Variants in WDR97 observed in about 807,000 individuals in gnomAD.
WDR97 encodes WD repeat-containing protein 97.
A neutral mutation model predicts 65.4 loss-of-function variants in WDR97; 111 were observed. The observed-to-expected ratio is 1.70, with a 90% CI of 1.45 to 1.99. The LOEUF is 1.99. WDR97 is among the 30% of genes most tolerant of loss of function. WDR97 has a pLI of 0.00. For missense variants in WDR97, 1,674 were observed against 865.0 expected, an observed-to-expected ratio of 1.94 and a Z score of -11.73; for synonymous variants, 802 against 397.7, an observed-to-expected ratio of 2.02 and a Z score of -12.10.
At chr8:144,111,268 A>C in intron 10 of WDR97, 46 bp downstream of exon 10, 1 of 700,672 alleles carries the variant, frequency 1.4e-6, no homozygotes, top group African/African-American at 1.8e-5. Context: ...CTCCTTTCCC[A>C]CTCTGGGTGG....
At position 144,109,882 on chromosome 8, in the gene WDR97, G is replaced by C; in HGVS notation, c.1548G>C (p.Pro516=). 1 of 700,894 alleles carries C rather than the reference G, an allele frequency of 1.4e-6. No homozygotes were observed. The highest frequency in any genetic ancestry group is 2.7e-5 in the East Asian group (1 of 37,216). 43.4% of individuals were successfully genotyped at this position (700,894 alleles called of 1,614,324 possible). A position where few individuals can be genotyped will look rare whatever the true frequency, so the allele number is the denominator to read the frequency against. The change falls in exon 5 of 24, where the codon CCG becomes CCC. Residue 516 remains proline, a synonymous_variant. Transcript: ENST00000323662. ...TGAGCGTGCTGCACCGCGTGTGCCC[G>C]CCGCCGCCCCCTGCGCCGCAGCCTT... ...CPMSVLHRVC[P]PPPPAPQPCC... is the part of the protein sequence containing the mutation.
rs1300713379 is a variant in WDR97 at position 144,108,314 on chromosome 8, A to C, written c.250-2A>C. 1 of 691,130 alleles carries C rather than the reference A, an allele frequency of 1.4e-6. No homozygotes were observed. The highest frequency in any genetic ancestry group is 2.6e-6 in the Non-Finnish European group (1 of 381,426). The allele number at this position is 691,130 out of a possible 1,614,324, so 42.8% of individuals were successfully genotyped here. On this transcript the variant is annotated splice_acceptor_variant, in intron 2 of 23. Coordinates refer to ENST00000323662, the MANE Select transcript of WDR97 (RefSeq NM_001316309.2). LOFTEE classifies it high-confidence loss of function. ...TGCGGGCCCGCCCACCCCGGCCCAC[A>C]GGAGAAGAGAGCCGAGCTGCGCGCG...
chr8:144,113,961 A>C lies in WDR97; in HGVS notation c.3409-16A>C. On this transcript the variant is annotated splice_polypyrimidine_tract_variant and intron_variant, in intron 17 of 23. Transcript: ENST00000323662. The stretch of plus-strand genomic sequence containing the variant: ...ACCCAGACAGGTGGGACCTGCAGCC[A>C]CTGCTGCTCCCCTAGAGTGCTGTGG... 1 of 699,428 alleles carries C rather than the reference A, an allele frequency of 1.4e-6. No individual in the cohort carries two copies. The highest frequency in any genetic ancestry group is 2.6e-6 in the Non-Finnish European group (1 of 382,718). The allele number at this position is 699,428 out of a possible 1,614,324, so 43.3% of individuals were successfully genotyped here. A position where few individuals can be genotyped will look rare whatever the true frequency, so the allele number is the denominator to read the frequency against.
chr8:144,108,256 G>T, intron 2 of WDR97, 60 bp from the exon 3 acceptor site: 1 of 694,876 alleles, frequency 1.4e-6, no homozygotes, highest in Non-Finnish European at 2.6e-6. Flanking sequence ...TCCCTTAGGG[G>T]TCCCCTAGGC....
At position 144,114,061 on chromosome 8, in the gene WDR97, A is replaced by T. The variant is rs771848799; in HGVS notation, c.3493A>T (p.Ser1165Cys). ...CCCTCATCCCTGGCACCGTCATGGG[A>T]GTTTGCTCTTGGATGAGCATTACGG... The part of the protein sequence containing the change: ...THPHPWHRHG[S>C]LLLDEHYGHL... Residue 1165 changes from serine (S) to cysteine (C), a missense_variant, in exon 18 of 24, where the codon AGT (serine) becomes TGT (cysteine). By Grantham distance (112) the Ser-to-Cys change is moderately radical. Transcript: ENST00000323662. 9.2e-5 allele frequency: 65 copies of T among 702,712 alleles called. 4 individuals are homozygous for T. The highest frequency in any genetic ancestry group is 6.8e-4 in the Middle Eastern group (3 of 4,392). 43.5% of individuals were successfully genotyped at this position (702,712 alleles called of 1,614,324 possible).
Position 144,110,693 on chromosome 8 carries a change from C to T in WDR97, c.2125C>T (p.Leu709=). ...PTLKLYACSS[L]DCTVRIWTAE... is the part of the protein sequence containing the mutation. ...GCTCAAACTGTATGCCTGCTCCAGC[C>T]TGGACTGCACCGTTCGCATCTGGAC... The change falls in exon 8 of 24, where the codon CTG becomes TTG. Residue 709 remains leucine (L), a synonymous_variant. Transcript: ENST00000323662. 1.4e-6 allele frequency: 1 copy of T among 701,532 alleles called. No homozygotes were observed. Among genetic ancestry groups the T allele is most frequent in the Non-Finnish European group, 2.6e-6 (1 of 384,958 alleles). The allele number at this position is 701,532 out of a possible 1,614,324, so 43.5% of individuals were successfully genotyped here. A position where few individuals can be genotyped will look rare whatever the true frequency, so the allele number is the denominator to read the frequency against.
rs1329008478 is a variant in WDR97 at position 144,113,683 on chromosome 8, G to A, written c.3210G>A (p.Trp1070Ter). The A allele has an allele frequency of 4.5e-6, 3 of 668,218 alleles. No homozygotes were observed. In the Admixed American group the frequency reaches 6.3e-5, roughly 14 times the overall value. 41.4% of individuals were successfully genotyped at this position (668,218 alleles called of 1,614,324 possible). A position where few individuals can be genotyped will look rare whatever the true frequency, so the allele number is the denominator to read the frequency against. The stretch of plus-strand genomic sequence containing the variant: ...CAGGGGCAAGCCAGGATGCCCTGTG[G>A]TTGTGGCGCCCCAGGCCATCCCAAA... ...AEPGASQDALWLWRPRPSQTQ... is the reference protein window; with the variant it reads ...AEPGASQDAL The change falls in exon 17 of 24, where the codon TGG becomes TGA. Residue 1070 changes from tryptophan to a stop codon, truncating the protein, a stop_gained. Coordinates refer to ENST00000323662, the MANE Select transcript of WDR97 (RefSeq NM_001316309.2). LOFTEE classifies it high-confidence loss of function.
At position 144,109,512 on chromosome 8, in the gene WDR97, G is replaced by T. The variant is rs1303097516; in HGVS notation, c.1178G>T (p.Arg393Leu). The T allele has an allele frequency of 2.9e-6, 2 of 696,360 alleles. No individual in the cohort carries two copies. The highest frequency in any genetic ancestry group is 2.0e-5 in the Admixed American group (1 of 49,326). 43.1% of individuals were successfully genotyped at this position (696,360 alleles called of 1,614,324 possible). Residue 393 changes from arginine (R) to leucine (L), a missense_variant, in exon 5 of 24, where the codon CGC becomes CTC. Physicochemically the swap from Arg to Leu is moderately radical, Grantham distance 102. Transcript: ENST00000323662. The part of the protein sequence containing the change: ...RRVGRLLAPV[R>L]PGWPVLSLCA... ...GTGGGCCGTCTGCTGGCGCCGGTGC[G>T]CCCGGGCTGGCCGGTGCTGTCCCTG... is the stretch of plus-strand genomic sequence containing the variant.
rs1267536398 is a variant in WDR97 at position 144,110,376 on chromosome 8, C to T, written c.1879C>T (p.Pro627Ser). The change falls in exon 7 of 24, where the codon CCC becomes TCC. Residue 627 changes from proline (P) to serine (S), a missense_variant. By Grantham distance (74) the Pro-to-Ser change is moderately conservative. Transcript: ENST00000323662. ...GACGGTGAAGATGTGGCGCGTCTTCCCCTATGCCGAAGAGAGCCTGAGCCT... is the reference window on the plus strand; with the variant it reads ...GACGGTGAAGATGTGGCGCGTCTTCTCCTATGCCGAAGAGAGCCTGAGCCT... ...DLTVKMWRVF[P>S]YAEESLSLLR... 6 of 702,990 alleles carry T rather than the reference C, an allele frequency of 8.5e-6. No homozygotes were observed. The highest frequency in any genetic ancestry group is 1.3e-5 in the Non-Finnish European group (5 of 384,984). 43.5% of individuals were successfully genotyped at this position (702,990 alleles called of 1,614,324 possible).
rs1836494820 is a variant in WDR97, at chr8:144,109,504, G to T, written c.1170G>T (p.Ala390=). ...CCCGGCGCGTGGGCCGTCTGCTGGC[G>T]CCGGTGCGCCCGGGCTGGCCGGTGC... ...KLSRRVGRLL[A]PVRPGWPVLS... Residue 390 remains alanine (A), a synonymous_variant, in exon 5 of 24, where the codon GCG becomes GCT. Transcript: ENST00000323662. The T allele has an allele frequency of 4.3e-6, 3 of 696,594 alleles. No individual in the cohort carries two copies. The East Asian group carries it at 8.1e-5, about 19-fold the overall frequency. The allele number at this position is 696,594 out of a possible 1,614,324, so 43.2% of individuals were successfully genotyped here.
At position 144,116,273 on chromosome 8, in the gene WDR97, G is replaced by T; in HGVS notation, c.4849G>T (p.Asp1617Tyr). Residue 1617 changes from aspartate (D) to tyrosine (Y), a missense_variant, in exon 24 of 24, where the codon GAC becomes TAC. By Grantham distance (160) the Asp-to-Tyr change is radical (BLOSUM62 -3). Coordinates refer to ENST00000323662, the MANE Select transcript of WDR97 (RefSeq NM_001316309.2). ...LQRYFLPADA[D>Y]PDTYS Reference sequence around the variant, plus strand: ...GCGCTACTTTCTGCCAGCGGACGCGGACCCTGACACCTACAGCTGACCGGA... The same window carrying T: ...GCGCTACTTTCTGCCAGCGGACGCGTACCCTGACACCTACAGCTGACCGGA... 2 of 654,870 alleles carry T rather than the reference G, an allele frequency of 3.1e-6. No homozygotes were observed. Among genetic ancestry groups the T allele is most frequent in the South Asian group, 1.6e-5 (1 of 61,726 alleles). 40.6% of individuals were successfully genotyped at this position (654,870 alleles called of 1,614,324 possible).
chr8:144,114,982 G>A (rs1022783920), intron 21 of WDR97, 71 bp downstream of exon 21: 4 of 624,572 alleles, frequency 6.4e-6, no homozygotes, highest in African/African-American at 1.8e-5. Context: ...AAGTCCTGGG[G>A]TCAAAGCCAG....
intron 15 of WDR97, chr8:144,112,844 G>T (rs1836577174): frequency 2.2e-6 from 1 of 460,654 alleles, no homozygotes; most frequent in Non-Finnish European, 3.9e-6. Flanking sequence ...GGCGCTGGGA[G>T]GGCAGGTCCC....
rs1038693822 is a variant in WDR97 at position 144,116,540 on chromosome 8, G to A, written c.*247G>A. The stretch of plus-strand genomic sequence containing the variant: ...CGTTCCCGGAGGGGTGGCCGGCCTA[G>A]GGCAGAGGAGACCCATAGCGGGGTA... On this transcript the variant is annotated 3_prime_UTR_variant, in exon 24 of 24. Transcript: ENST00000323662. 5 of 464,616 alleles carry A rather than the reference G, an allele frequency of 1.1e-5. No homozygotes were observed. Among genetic ancestry groups the A allele is most frequent in the South Asian group, 4.1e-5 (1 of 24,274 alleles). The allele number at this position is 464,616 out of a possible 1,614,324, so 28.8% of individuals were successfully genotyped here.
chr8:144,117,599 C>CTGTTTTGTTTTGTTTTGTTT lies in WDR97; in HGVS notation c.*1318_*1337dup, dbSNP rs55688630. 7.4e-3 allele frequency: 1,115 copies of CTGTTTTGTTTTGTTTTGTTT among 151,686 alleles called. 13 individuals carry two copies. Among genetic ancestry groups the CTGTTTTGTTTTGTTTTGTTT allele is most frequent in the Middle Eastern group, 0.027 (8 of 296 alleles). The allele number at this position is 151,686 out of a possible 1,614,324, so 9.4% of individuals were successfully genotyped here. A position where few individuals can be genotyped will look rare whatever the true frequency, so the allele number is the denominator to read the frequency against. ...GGTCAGAGGATTTCTTTATGGCTAT[C>CTGTTTTGTTTTGTTTTGTTT]TGTTTTGTTTTGTTTTGTTTTGTTT... is the stretch of plus-strand genomic sequence containing the variant. On this transcript the variant is annotated 3_prime_UTR_variant, in exon 24 of 24. Coordinates refer to ENST00000323662, the MANE Select transcript of WDR97 (RefSeq NM_001316309.2).
rs1417165700 is a variant in WDR97, at chr8:144,114,348, G to A, written c.3665G>A (p.Trp1222Ter). Reference sequence around the variant, plus strand: ...GTGGCCCTGCTGGAGAAGACCACGTGGGTCGACCGTGTGCACATCCTGCAG... The same window carrying A: ...GTGGCCCTGCTGGAGAAGACCACGTAGGTCGACCGTGTGCACATCCTGCAG... The part of the protein sequence containing the change: ...LLVALLEKTT[W>*]VDRVHILQVL... The change falls in exon 19 of 24, where the codon TGG becomes TAG. Residue 1222 changes from tryptophan (W) to a stop codon, truncating the protein, a stop_gained. Transcript: ENST00000323662. LOFTEE classifies it high-confidence loss of function. 1.4e-6 allele frequency: 1 copy of A among 702,752 alleles called. No individual in the cohort carries two copies. 43.5% of individuals were successfully genotyped at this position (702,752 alleles called of 1,614,324 possible).
Position 144,109,396 on chromosome 8 carries a change from C to A in WDR97, c.1062C>A (p.Asp354Glu), listed in dbSNP as rs574546652. The A allele has an allele frequency of 2.7e-5, 19 of 702,558 alleles. No individual in the cohort carries two copies. Among genetic ancestry groups the A allele is most frequent in the South Asian group, 2.7e-4 (18 of 67,596 alleles). 43.5% of individuals were successfully genotyped at this position (702,558 alleles called of 1,614,324 possible). The change falls in exon 5 of 24, where the codon GAC (aspartate) becomes GAA (glutamate). Residue 354 changes from aspartate (D) to glutamate (E), a missense_variant. Transcript: ENST00000323662. ...CCCTGGTGTTGTCGGCCTCGCAGGACGGGACGCTACGCACCTGGGACCTGC... is the reference window on the plus strand; with the variant it reads ...CCCTGGTGTTGTCGGCCTCGCAGGAAGGGACGCTACGCACCTGGGACCTGC... ...NTTLVLSASQ[D>E]GTLRTWDLQA...
rs945385216 is a variant in WDR97, at chr8:144,111,836, C to T, written c.2638-51C>T. ...CTGACCCTGGCCCCTCTTCTCCACC[C>T]ACCCCTCCCACCTGGTCTCTGATGG... On this transcript the variant is annotated intron_variant, in intron 12 of 23. Coordinates refer to ENST00000323662, the MANE Select transcript of WDR97 (RefSeq NM_001316309.2). The T allele has an allele frequency of 5.7e-6, 4 of 697,950 alleles. No individual in the cohort carries two copies. The Admixed American group carries it at 6.0e-5, about 10-fold the overall frequency. 43.2% of individuals were successfully genotyped at this position (697,950 alleles called of 1,614,324 possible).
Position 144,115,749 on chromosome 8 carries a change from G to T in WDR97, c.4486G>T (p.Ala1496Ser). The T allele has an allele frequency of 2.9e-6, 2 of 701,356 alleles. No individual in the cohort carries two copies. The highest frequency in any genetic ancestry group is 2.3e-4 in the Middle Eastern group (1 of 4,298). The allele number at this position is 701,356 out of a possible 1,614,324, so 43.4% of individuals were successfully genotyped here. ...CAACTTCTTCTGTGAGCAGCTGCGGGCGCAGCAGCGGAGTTCGCTCCAGGA... is the reference window on the plus strand; with the variant it reads ...CAACTTCTTCTGTGAGCAGCTGCGGTCGCAGCAGCGGAGTTCGCTCCAGGA... ...ALNFFCEQLR[A>S]QQRSSLQEKA... The change falls in exon 22 of 24, where the codon GCG becomes TCG. Residue 1496 changes from alanine (A) to serine (S), a missense_variant. Coordinates refer to ENST00000323662, the MANE Select transcript of WDR97 (RefSeq NM_001316309.2).
Sources: gnomAD v4.1 joint callset for allele counts on GRCh38, gnomAD v4.1.1 for gene constraint, MANE v1.5 for transcripts, NCBI Gene and HGNC (gene_info 2026-07-23, HGNC 2026-07-21) for gene names.